Variants in CTNNA1 observed in about 807,000 individuals in gnomAD.
The protein encoded by CTNNA1 is catenin alpha-1.
Under a neutral mutation model 98.4 loss-of-function variants are expected in CTNNA1, and 37 were observed. The observed-to-expected ratio is 0.38, with a 90% CI of 0.29 to 0.49. The LOEUF is 0.49. Ranked by LOEUF, CTNNA1 falls within the 20% of genes least tolerant of loss-of-function variation. CTNNA1 has a pLI of 0.95. For missense variants in CTNNA1, 761 were observed against 1,147.2 expected (o/e 0.66, Z 4.86); for synonymous variants, 404 against 413.2 (o/e 0.98, Z 0.27).
At chr5:138,895,915 G>A (rs1756697719) in intron 9 of CTNNA1, among the ~76,000 whole-genome samples, 2 of 152,108 alleles carry the variant, frequency 1.3e-5, no homozygotes, top group Non-Finnish European at 2.9e-5. Context: ...AATCTTATCT[G>A]TTGCTTTGAT....
At chr5:138,762,113 G>A (rs1413330995) in intron 1 of CTNNA1, 2 of 152,216 alleles carry the variant, frequency 1.3e-5, no homozygotes, top group African/African-American at 2.4e-5. Flanking sequence ...GAGGATTTAA[G>A]TCTTATTAGC....
In CTNNA1 at chr5:138,874,355, C is replaced by G. The variant is rs758196530; in HGVS notation, c.1063-11857C>G. On this transcript the variant is annotated intron_variant, in intron 7 of 17. Coordinates refer to ENST00000302763, the MANE Select transcript of CTNNA1 (RefSeq NM_001903.5). This position sits in a 1 kb window ranked among gnomAD's most constrained non-coding sequence, Gnocchi z 4.1. ...TTCGAGCTCTGTGATGTGATTGTGC[C>G]TCAGGGACAGGCCCAGAGAGCCCTT... 6.2e-7 allele frequency: 1 copy of G among 1,613,988 alleles called. No homozygotes were observed. Among genetic ancestry groups the G allele is most frequent in the Admixed American group, 1.7e-5 (1 of 60,028 alleles).
intron 7 of CTNNA1, among the ~76,000 whole-genome samples, chr5:138,878,180 T>C (rs1392998958): frequency 6.6e-6 from 1 of 152,196 alleles, no homozygotes; most frequent in Non-Finnish European, 1.5e-5. Context: ...AGTATCATGG[T>C]GCCCAGAGAG....
intron 16 of CTNNA1, chr5:138,931,511 G>A (rs1180165198): frequency 6.2e-6 from 5 of 802,932 alleles, no homozygotes; most frequent in Admixed American, 6.2e-5. Flanking sequence ...CACAGGATGT[G>A]TGAGACACAA....
intron 1 of CTNNA1, among the ~76,000 whole-genome samples, chr5:138,776,948 G>A (rs1351852453): frequency 1.4e-4 from 20 of 144,668 alleles, no homozygotes; most frequent in Non-Finnish European, 2.1e-4. Context: ...CGGGCGGGGG[G>A]CTGACTCCCC....
intron 3 of CTNNA1, among the ~76,000 whole-genome samples, chr5:138,809,527 T>C (rs1758453663): frequency 2.0e-5 from 3 of 152,240 alleles, no homozygotes; most frequent in Admixed American, 2.0e-4. Flanking sequence ...AGGAAATGAA[T>C]GAATCAATGG....
chr5:138,838,676 T>C (rs1762011457), intron 7 of CTNNA1, among the ~76,000 whole-genome samples: 1 of 152,208 alleles, frequency 6.6e-6, no homozygotes, highest in Non-Finnish European at 1.5e-5. Flanking sequence ...AGACCTTTCT[T>C]CTTTGTGTAA....
intron 7 of CTNNA1, among the ~76,000 whole-genome samples, chr5:138,850,701 A>G (rs1287298920): frequency 6.6e-6 from 1 of 152,182 alleles, no homozygotes; most frequent in Non-Finnish European, 1.5e-5. Flanking sequence ...TGTGTATCCA[A>G]CGACTCCTGT....
At chr5:138,888,459 A>G (rs1222936617) in intron 9 of CTNNA1, among the ~76,000 whole-genome samples, 1 of 152,358 alleles carries the variant, frequency 6.6e-6, no homozygotes, top group African/African-American at 2.4e-5. Flanking sequence ...TAAGCTGGTC[A>G]TTGTGTAAAA....
chr5:138,877,338 C>T (rs950201083), intron 7 of CTNNA1, among the ~76,000 whole-genome samples: 41 of 152,170 alleles, frequency 2.7e-4, no homozygotes, highest in African/African-American at 9.7e-4. Flanking sequence ...GAGTCCGATT[C>T]CTACAGGGTC....
intron 7 of CTNNA1, among the ~76,000 whole-genome samples, chr5:138,843,677 G>C (rs1481044354): frequency 2.6e-5 from 4 of 152,204 alleles, no homozygotes; most frequent in Non-Finnish European, 4.4e-5. Context: ...TGGCTGAGTA[G>C]CAGCTATGAA....
intron 9 of CTNNA1, among the ~76,000 whole-genome samples, chr5:138,898,350 C>T (rs892303329): frequency 3.9e-5 from 6 of 152,226 alleles, no homozygotes; most frequent in Admixed American, 1.3e-4. Context: ...CCAGATATTT[C>T]TTTATAGCAA....
chr5:138,759,646 C>T (rs139882876), intron 1 of CTNNA1, among the ~76,000 whole-genome samples: 136 of 152,190 alleles, frequency 8.9e-4, no homozygotes, highest in African/African-American at 3.2e-3. Context: ...AATTAGAATA[C>T]GGATCCCTAA....
chr5:138,756,758 G>T (rs1751695444), intron 1 of CTNNA1, among the ~76,000 whole-genome samples: 1 of 152,164 alleles, frequency 6.6e-6, no homozygotes, highest in African/African-American at 2.4e-5. Flanking sequence ...TTCATGATTT[G>T]ATTTCCTTTT....
At chr5:138,923,767 T>C (rs1440114323) in intron 11 of CTNNA1, among the ~76,000 whole-genome samples, 4 of 152,240 alleles carry the variant, frequency 2.6e-5, no homozygotes, top group Non-Finnish European at 5.9e-5. Context: ...GCAAACCCTT[T>C]GTGGTGGGGT....
chr5:138,783,797 A>C (rs1299471491), intron 3 of CTNNA1, among the ~76,000 whole-genome samples: 2 of 152,204 alleles, frequency 1.3e-5, no homozygotes, highest in Admixed American at 6.5e-5. Flanking sequence ...TGGGTGTGAT[A>C]AAATGGAAAA....
intron 9 of CTNNA1, among the ~76,000 whole-genome samples, chr5:138,901,859 T>C (rs1758112350): frequency 6.6e-6 from 1 of 152,228 alleles, no homozygotes. Flanking sequence ...GACACTAGTA[T>C]GTGAGGTTAG....
At chr5:138,793,903 C>T (rs1050352600) in intron 3 of CTNNA1, among the ~76,000 whole-genome samples, 59 of 151,724 alleles carry the variant, frequency 3.9e-4, no homozygotes, top group African/African-American at 1.3e-3. Context: ...TCCTTACCCT[C>T]AGGGGATGGG....
chr5:138,914,964 G>A (rs1374948941), intron 10 of CTNNA1, among the ~76,000 whole-genome samples: 3 of 152,004 alleles, frequency 2.0e-5, no homozygotes, highest in African/African-American at 7.3e-5. Flanking sequence ...TGGCTAACAC[G>A]ATAAAACCCC....
Sources: gnomAD v4.1 joint callset for allele counts (sites outside exome capture counted in the v4.1 genomes callset) on GRCh38, gnomAD v4.1.1 for gene constraint, Gnocchi (gnomAD v3.1) non-coding constraint, MANE v1.5 for transcripts, NCBI Gene and HGNC (gene_info 2026-07-23, HGNC 2026-07-21) for gene names.